Variants in SYT14 observed in about 807,000 individuals in gnomAD.
SYT14 encodes the protein synaptotagmin-14.
A neutral mutation model predicts 74.2 loss-of-function variants in SYT14; 32 were observed. The ratio of observed to expected loss-of-function variants is 0.43; its 90% confidence interval spans 0.33 to 0.58. SYT14 has a LOEUF of 0.58. Ranked by LOEUF, SYT14 falls within the 20% of genes least tolerant of loss-of-function variation. The probability of loss-of-function intolerance (pLI) is 0.05; values close to 1 mark genes in which losing one functional copy is unlikely to be tolerated. For missense variants in SYT14, 791 were observed against 981.8 expected, an observed-to-expected ratio of 0.81 and a Z score of 2.60; for synonymous variants, 298 against 337.7, an observed-to-expected ratio of 0.88 and a Z score of 1.29.
chr1:209,965,859 C>G (rs1026737430), intron 2 of SYT14: 1 of 445,632 alleles, frequency 2.2e-6, no homozygotes. Flanking sequence ...ATATATTTAT[C>G]GGTTTATTTT....
At position 210,158,634 on chromosome 1, in the gene SYT14, C is replaced by T. The variant is rs1420973168; in HGVS notation, c.2225-787C>T. Among the ~76,000 whole-genome samples, 4 of 152,062 alleles carry T rather than the reference C, an allele frequency of 2.6e-5. No homozygotes were observed. The East Asian group carries it at 7.7e-4, about 29-fold the overall frequency. Reference sequence around the variant, plus strand: ...AAACAGATGACAAAAGATTCACATCCGCAACACAGAGTCGATGTTTCAGGT... The same window carrying T: ...AAACAGATGACAAAAGATTCACATCTGCAACACAGAGTCGATGTTTCAGGT... On this transcript the variant is annotated intron_variant, in intron 8 of 9. Coordinates refer to ENST00000637265, the Ensembl canonical transcript of SYT14.
intron 7 of SYT14, among the ~76,000 whole-genome samples, chr1:210,129,205 T>C (rs1278893947): frequency 3.3e-5 from 5 of 152,232 alleles, no homozygotes; most frequent in Non-Finnish European, 4.4e-5. Flanking sequence ...CAACTCAAAA[T>C]GGTTTAAGCA....
chr1:209,951,952 TCA>T (rs2078918416), intron 1 of SYT14, among the ~76,000 whole-genome samples: 1 of 152,110 alleles, frequency 6.6e-6, no homozygotes, highest in East Asian at 1.9e-4. Context: ...ATGATAGCAC[TCA>T]GGGGATTAGG....
exon 5 of SYT14, chr1:210,021,064 G>A (rs781519173): frequency 2.2e-5 from 35 of 1,613,916 alleles, no homozygotes; most frequent in Non-Finnish European, 2.9e-5. Flanking sequence ...ACAAAGATGA[G>A]CATGGTTCAT....
chr1:209,939,673 G>A (rs949963654), intron 1 of SYT14, among the ~76,000 whole-genome samples: 1 of 152,122 alleles, frequency 6.6e-6, no homozygotes, highest in Non-Finnish European at 1.5e-5. Flanking sequence ...TTTATGTTGT[G>A]TACTTTATTT....
In SYT14 at chr1:210,161,026, C is replaced by T. The variant is rs970796538; in HGVS notation, c.2579C>T (p.Ala860Val). 6.7e-5 allele frequency: 108 copies of T among 1,613,578 alleles called. No homozygotes were observed. Among genetic ancestry groups the T allele is most frequent in the Non-Finnish European group, 8.7e-5 (103 of 1,179,790 alleles). Residue 860 changes from alanine (A) to valine (V), a missense_variant, in exon 10 of 10, where the codon GCG becomes GTG. Transcript: ENST00000637265. ...GGACAGCAAGTATGTAGATGGCATG[C>T]GTTGCTAGAGTCATGATGAATAGAA...
At chr1:210,030,802 G>A (rs2080514853) in intron 5 of SYT14, among the ~76,000 whole-genome samples, 1 of 152,192 alleles carries the variant, frequency 6.6e-6, no homozygotes, top group Admixed American at 6.5e-5. Flanking sequence ...AGGAGCGTCT[G>A]AGAGAAGATC....
At chr1:210,049,338 G>A (rs983991838) in intron 5 of SYT14, among the ~76,000 whole-genome samples, 1 of 151,190 alleles carries the variant, frequency 6.6e-6, no homozygotes, top group African/African-American at 2.4e-5. Context: ...GAACATCCAG[G>A]TATTTCCATA....
chr1:209,979,933 A>G (rs1463589079), intron 2 of SYT14, among the ~76,000 whole-genome samples: 1 of 152,244 alleles, frequency 6.6e-6, no homozygotes, highest in Non-Finnish European at 1.5e-5. Context: ...ATATGTCTTT[A>G]TAATAGAATG....
chr1:210,164,260 A>T (rs1342091102), exon 10 of SYT14: 1 of 251,300 alleles, frequency 4.0e-6, no homozygotes, highest in Admixed American at 4.9e-5. Flanking sequence ...GTATTTGCTG[A>T]CAAGAATAAT....
intron 5 of SYT14, among the ~76,000 whole-genome samples, chr1:210,026,966 A>G (rs990781185): frequency 6.6e-6 from 1 of 152,134 alleles, no homozygotes; most frequent in Non-Finnish European, 1.5e-5. Flanking sequence ...AAAGTTAGGT[A>G]TATTACATTT....
At chr1:210,039,822 A>G (rs2080748137) in intron 5 of SYT14, among the ~76,000 whole-genome samples, 1 of 152,190 alleles carries the variant, frequency 6.6e-6, no homozygotes, top group Non-Finnish European at 1.5e-5. Context: ...AATCAAAACC[A>G]CAATGAGATA....
At chr1:210,069,475 T>G (rs2081355011) in intron 5 of SYT14, among the ~76,000 whole-genome samples, 1 of 152,052 alleles carries the variant, frequency 6.6e-6, no homozygotes, top group South Asian at 2.1e-4. Context: ...GACTTACATG[T>G]TTACAAATTC....
At chr1:210,002,862 A>G (rs970468510) in intron 2 of SYT14, among the ~76,000 whole-genome samples, 1 of 152,106 alleles carries the variant, frequency 6.6e-6, no homozygotes, top group Non-Finnish European at 1.5e-5. Context: ...ATGTGTTGCA[A>G]ATACATTATT....
At chr1:210,157,441 TA>T (rs879726502) in intron 8 of SYT14, among the ~76,000 whole-genome samples, 2,418 of 117,992 alleles carry the variant, frequency 0.02, 66 homozygotes, top group African/African-American at 0.065. Flanking sequence ...GACCCTGTCT[TA>T]AAAAAAAAAA....
chr1:210,141,046 CAAAAAA>C (rs36006017), intron 7 of SYT14, among the ~76,000 whole-genome samples: 2 of 97,106 alleles, frequency 2.1e-5, no homozygotes, highest in Non-Finnish European at 2.7e-5. Context: ...TTTGTTTCTG[CAAAAAA>C]AAAAAAAAAA....
intron 7 of SYT14, among the ~76,000 whole-genome samples, chr1:210,143,534 C>T (rs775550167): frequency 5.9e-5 from 9 of 151,952 alleles, no homozygotes; most frequent in Non-Finnish European, 1.2e-4. Flanking sequence ...TATTATTTAG[C>T]GCTATATTCA....
At chr1:210,155,329 GTTTA>G (rs2083246528) in intron 7 of SYT14, among the ~76,000 whole-genome samples, 1 of 151,908 alleles carries the variant, frequency 6.6e-6, no homozygotes, top group East Asian at 1.9e-4. Context: ...GTTTTGTTTT[GTTTA>G]TTTAAAGGCA....
intron 7 of SYT14, among the ~76,000 whole-genome samples, chr1:210,140,757 C>A (rs1572368685): frequency 6.6e-6 from 1 of 151,834 alleles, no homozygotes; most frequent in Admixed American, 6.6e-5. Context: ...GAAAAAAAAT[C>A]TTTTTTTCAT....
Sources: gnomAD v4.1 joint callset for allele counts (sites outside exome capture counted in the v4.1 genomes callset) on GRCh38, gnomAD v4.1.1 for gene constraint, MANE v1.5 for transcripts, NCBI Gene and HGNC (gene_info 2026-07-23, HGNC 2026-07-21) for gene names.